The following SPATA7 variants were observed in gnomAD, a reference collection of about 807,000 sequenced individuals.
The protein encoded by SPATA7 is spermatogenesis-associated protein 7.
In SPATA7, 43 loss-of-function variants were observed where a neutral mutation model predicts 51.8. The ratio of observed to expected loss-of-function variants is 0.83; its 90% CI spans 0.65 to 1.07. SPATA7 has a LOEUF of 1.07. SPATA7 is among the 50% of genes least tolerant of loss of function. The probability of loss-of-function intolerance (pLI) is 0.00; values close to 1 mark genes in which losing one functional copy is unlikely to be tolerated. For synonymous variants in SPATA7, 230 were observed against 252.8 expected, an observed-to-expected ratio of 0.91 and a Z score of 0.86; for missense variants, 683 against 701.3, an observed-to-expected ratio of 0.97 and a Z score of 0.30.
At chr14:88,416,929 T>C in intron 5 of SPATA7, 85 bp downstream of exon 5, 1 of 1,228,884 alleles carries the variant, frequency 8.1e-7, no homozygotes, top group Non-Finnish European at 1.1e-6. Flanking sequence ...TACTATAGTT[T>C]AGGGTCAGCA....
rs777598239 is a variant in SPATA7 at position 88,416,755 on chromosome 14, C to A, written c.283C>A (p.Gln95Lys). 1.2e-5 allele frequency: 20 copies of A among 1,613,032 alleles called. No individual in the cohort carries two copies. The African/African-American group carries it at 2.0e-4, about 16-fold the overall frequency. Reference sequence around the variant, plus strand: ...AGAGAAACTCAAAAAGGAATTAGCACAATGTGAAAAAGAGTTCAAATTAAC... The same window carrying A: ...AGAGAAACTCAAAAAGGAATTAGCAAAATGTGAAAAAGAGTTCAAATTAAC... ...RREKLKKELA[Q>K]CEKEFKLTKT... Residue 95 changes from glutamine (Q) to lysine (K), a missense_variant, in exon 5 of 12, where the codon CAA becomes AAA. Gln to Lys is a moderately conservative substitution (Grantham distance 53). Transcript: ENST00000393545.
At position 88,426,774 on chromosome 14, in the gene SPATA7, T is replaced by G. The variant is rs2076806869; in HGVS notation, c.845+70T>G. The G allele has an allele frequency of 2.2e-6, 3 of 1,369,948 alleles. No individual in the cohort carries two copies. In the South Asian group the frequency reaches 3.6e-5, roughly 17 times the overall value. The allele number at this position is 1,369,948 out of a possible 1,614,324, so 84.9% of individuals were successfully genotyped here. ...ATGAAAATTAATGAATTAATATTCC[T>G]TGTTTTCTGCTGCCAGCCTTAAGAT... On this transcript the variant is annotated intron_variant, in intron 6 of 11. Transcript: ENST00000393545.
chr14:88,389,229 CTTTCTTT>C (rs574192957), intron 1 of SPATA7, among the ~76,000 whole-genome samples: 238 of 149,792 alleles, frequency 1.6e-3, no homozygotes, highest in African/African-American at 5.4e-3. Flanking sequence ...TTTCCTTTCT[CTTTCTTT>C]TTTCTTTTTT....
chr14:88,442,582 A>G (rs991352410), downstream of SPATA7, among the ~76,000 whole-genome samples: 13 of 152,136 alleles, frequency 8.5e-5, no homozygotes, highest in Non-Finnish European at 1.6e-4. Flanking sequence ...TTTATGTGGT[A>G]TATCACATTT....
At chr14:88,454,535 TG>T (rs1257117979) in intron 3 of SPATA7, among the ~76,000 whole-genome samples, 1 of 152,142 alleles carries the variant, frequency 6.6e-6, no homozygotes, top group African/African-American at 2.4e-5. Context: ...CTGGCTGTGG[TG>T]GCTCACCTAT....
downstream of SPATA7, among the ~76,000 whole-genome samples, chr14:88,440,576 TA>T (rs562601004): frequency 7.5e-3 from 1,135 of 152,274 alleles, 7 homozygotes; most frequent in Non-Finnish European, 0.012. Flanking sequence ...GCAACATCTT[TA>T]TATCTTCCCC....
At chr14:88,391,878 G>T in intron 2 of SPATA7, 2 of 169,804 alleles carry the variant, frequency 1.2e-5, no homozygotes, top group Non-Finnish European at 2.5e-5. Context: ...TTATCCAACT[G>T]GATTTCTAGG....
At chr14:88,444,719 C>G (rs1182896216) in intron 3 of SPATA7, among the ~76,000 whole-genome samples, 1 of 152,144 alleles carries the variant, frequency 6.6e-6, no homozygotes, top group East Asian at 1.9e-4. Context: ...CCAGTTTTCC[C>G]AGCACCATTT....
chr14:88,444,757 C>G (rs2077200025), intron 3 of SPATA7, among the ~76,000 whole-genome samples: 6 of 152,270 alleles, frequency 3.9e-5, no homozygotes, highest in South Asian at 2.1e-4. Context: ...TTCCCCATTG[C>G]TTGTTTTCCT....
chr14:88,441,536 C>T (rs943770177), downstream of SPATA7, among the ~76,000 whole-genome samples: 13 of 152,084 alleles, frequency 8.5e-5, no homozygotes, highest in African/African-American at 3.1e-4. Context: ...TTGATTATGG[C>T]CATTCTTGGA....
rs896823730 is a variant in SPATA7 at position 88,443,523 on chromosome 14, G to A, written c.177+5620G>A. 2.6e-5 allele frequency among the ~76,000 whole-genome samples: 4 copies of A among 151,904 alleles called. No individual in the cohort carries two copies. In the South Asian group the frequency reaches 8.3e-4, roughly 32 times the overall value. On this transcript the variant is annotated intron_variant, in intron 3 of 3. Coordinates refer to the SPATA7 transcript ENST00000554802. ...ATACTTTAAGTTTTAGGGTACATGT[G>A]CACAATGTGCAGGTTAGTTACATAT...
downstream of SPATA7, among the ~76,000 whole-genome samples, chr14:88,442,034 G>A (rs1397237662): frequency 2.0e-5 from 3 of 152,128 alleles, no homozygotes; most frequent in East Asian, 5.8e-4. Flanking sequence ...GAGAGATGAG[G>A]ATCGAGTTTC....
chr14:88,402,085 TAAAC>T (rs1390986679), intron 4 of SPATA7, among the ~76,000 whole-genome samples: 3 of 152,084 alleles, frequency 2.0e-5, no homozygotes, highest in Non-Finnish European at 4.4e-5. Flanking sequence ...GGAATAACCT[TAAAC>T]AAAAAGGTTG....
At position 88,426,693 on chromosome 14, in the gene SPATA7, G is replaced by A. The variant is rs149878757; in HGVS notation, c.834G>A (p.Gln278=). 3.6e-5 allele frequency: 58 copies of A among 1,612,144 alleles called. 1 individual carries two copies. In the African/African-American group the frequency reaches 6.1e-4, roughly 17 times the overall value. ...FTDQRIEAET[Q]TELSFKSELG... is the part of the protein sequence containing the mutation. ...ATCAACGGATAGAAGCTGAAACCCA[G>A]ACTGAATTAAGGTATGACACATCAG... Residue 278 remains glutamine (Q), a synonymous_variant, in exon 6 of 12, where the codon CAG becomes CAA. Coordinates refer to ENST00000393545, the MANE Select transcript of SPATA7 (RefSeq NM_018418.5).
chr14:88,406,490 TTAAA>T (rs953783585), intron 4 of SPATA7, among the ~76,000 whole-genome samples: 36 of 151,934 alleles, frequency 2.4e-4, no homozygotes, highest in Non-Finnish European at 7.4e-5. Flanking sequence ...AGAAATTCTA[TTAAA>T]TAAATATATT....
downstream of SPATA7, among the ~76,000 whole-genome samples, chr14:88,456,705 C>G (rs1291616784): frequency 6.6e-6 from 1 of 152,092 alleles, no homozygotes; most frequent in Non-Finnish European, 1.5e-5. Flanking sequence ...GTTTCTTTTG[C>G]TGTGCAGAAG....
intron 4 of SPATA7, among the ~76,000 whole-genome samples, chr14:88,408,814 T>C (rs2076264155): frequency 6.6e-6 from 1 of 152,228 alleles, no homozygotes; most frequent in South Asian, 2.1e-4. Flanking sequence ...GTTTTTAGCA[T>C]GAAGCGCTGT....
At chr14:88,402,959 C>CAAAAAAAAAAAAAAAA (rs56330042) in intron 4 of SPATA7, among the ~76,000 whole-genome samples, 3 of 62,014 alleles carry the variant, frequency 4.8e-5, no homozygotes, top group African/African-American at 1.0e-4. Context: ...AACTCAATAG[C>CAAAAAAAAAAAAAAAA]AAAAAAAAAA....
chr14:88,409,934 A>AT (rs1207758744), intron 4 of SPATA7, among the ~76,000 whole-genome samples: 1 of 152,046 alleles, frequency 6.6e-6, no homozygotes, highest in Non-Finnish European at 1.5e-5. Context: ...TTCTAATTTG[A>AT]TTGCACTGTG....
Sources: allele counts gnomAD v4.1 joint callset (sites outside exome capture counted in the v4.1 genomes callset), GRCh38; gene constraint gnomAD v4.1.1; transcripts MANE v1.5; gene names NCBI Gene and HGNC (gene_info 2026-07-23, HGNC 2026-07-21).